ENTPD1: variants seen among roughly 807,000 people sequenced by gnomAD.
ENTPD1 encodes the protein ATP diphosphohydrolase.
ENTPD1 carries 33 observed loss-of-function variants against 57.0 expected under a neutral mutation model. The observed-to-expected ratio is 0.58, with a 90% CI of 0.44 to 0.77. The LOEUF (loss-of-function observed/expected upper bound fraction) is 0.77. Ranked by LOEUF, ENTPD1 falls within the 30% of genes least tolerant of loss-of-function variation. The probability of loss-of-function intolerance (pLI) is 0.00; values close to 1 mark genes in which losing one functional copy is unlikely to be tolerated. For missense variants in ENTPD1, 501 were observed against 603.4 expected (o/e 0.83, Z 1.78); for synonymous variants, 202 against 218.8 (o/e 0.92, Z 0.68).
chr10:95,795,664 T>C (rs1455104463), intron 1 of ENTPD1, among the ~76,000 whole-genome samples: 2 of 152,136 alleles, frequency 1.3e-5, no homozygotes, highest in Non-Finnish European at 2.9e-5. Context: ...ATCTAGAACA[T>C]GAAAATTTAG....
Position 95,780,268 on chromosome 10 carries a change from C to T in ENTPD1, c.16+24013C>T, listed in dbSNP as rs543555100. On this transcript the variant is annotated intron_variant, in intron 1 of 9. Coordinates refer to ENST00000371205, the MANE Select transcript of ENTPD1 (RefSeq NM_001776.6). ...AAGATTTGGAAGCAACCTAAGTGTC[C>T]GTCAAACATTAATTTTTGTGGCCCT... Among the ~76,000 whole-genome samples, 13 of 152,220 alleles carry T rather than the reference C, an allele frequency of 8.5e-5. No individual in the cohort carries two copies. The East Asian group carries it at 1.7e-3, about 20-fold the overall frequency.
At chr10:95,750,006 G>A (rs1341036370) in intron 1 of ENTPD1, among the ~76,000 whole-genome samples, 3 of 152,162 alleles carry the variant, frequency 2.0e-5, no homozygotes, top group African/African-American at 7.2e-5. Context: ...CAGTGTGGTA[G>A]CAGTAGAAGT....
chr10:95,726,745 T>C (rs1288539208), intron 1 of ENTPD1, among the ~76,000 whole-genome samples: 1 of 152,186 alleles, frequency 6.6e-6, no homozygotes, highest in Admixed American at 6.5e-5. Context: ...TTGATGTGTT[T>C]TGGTGCATTT....
chr10:95,772,211 A>G (rs2140105480), intron 1 of ENTPD1, among the ~76,000 whole-genome samples: 1 of 152,314 alleles, frequency 6.6e-6, no homozygotes, highest in Non-Finnish European at 1.5e-5. Flanking sequence ...TGGTTGCTGA[A>G]GGTTGGAGTG....
upstream of ENTPD1, among the ~76,000 whole-genome samples, chr10:95,710,293 T>C (rs1050235968): frequency 1.3e-5 from 2 of 152,020 alleles, no homozygotes; most frequent in African/African-American, 4.8e-5. Context: ...TAATCCCAGC[T>C]ACTCAGGAGG....
At chr10:95,777,024 T>G (rs1404419839) in intron 1 of ENTPD1, among the ~76,000 whole-genome samples, 1 of 152,172 alleles carries the variant, frequency 6.6e-6, no homozygotes, top group African/African-American at 2.4e-5. Flanking sequence ...TAGTTAGCCA[T>G]TTATCTAATC....
At chr10:95,847,343 G>T in intron 6 of ENTPD1, 103 bp from the exon 7 acceptor site, 1 of 1,355,032 alleles carries the variant, frequency 7.4e-7, no homozygotes, top group Non-Finnish European at 1.1e-6. Flanking sequence ...CCAATACCAA[G>T]TGGTGGGATG....
At chr10:95,755,475 G>A (rs2098019936), upstream of ENTPD1, 8 of 567,580 alleles carry the variant, frequency 1.4e-5, no homozygotes, top group Admixed American at 9.2e-5. Flanking sequence ...CGGTCTGGAT[G>A]TGGTAATTCA....
chr10:95,714,693 A>G (rs2097969549), intron 1 of ENTPD1, among the ~76,000 whole-genome samples: 2 of 152,198 alleles, frequency 1.3e-5, no homozygotes, highest in African/African-American at 4.8e-5. Context: ...GCTATCATTT[A>G]TTTATTCATT....
At chr10:95,777,156 C>G (rs781478350) in intron 1 of ENTPD1, among the ~76,000 whole-genome samples, 2 of 152,220 alleles carry the variant, frequency 1.3e-5, no homozygotes, top group East Asian at 1.9e-4. Flanking sequence ...CATTCTCCAT[C>G]CAGCTTTGTT....
chr10:95,722,271 G>GTT (rs941427828), intron 1 of ENTPD1, among the ~76,000 whole-genome samples: 1 of 146,232 alleles, frequency 6.8e-6, no homozygotes, highest in Non-Finnish European at 1.5e-5. Flanking sequence ...TTGTTTTTTT[G>GTT]TTTTTTTTTA....
the ENTPD1 span, among the ~76,000 whole-genome samples, chr10:95,703,608 G>C: frequency 6.6e-6 from 1 of 151,290 alleles, no homozygotes; most frequent in Non-Finnish European, 1.5e-5. Flanking sequence ...ATGGTGAAAC[G>C]CTGTCTCTAC....
intron 1 of ENTPD1, among the ~76,000 whole-genome samples, chr10:95,765,833 T>C (rs1166353215): frequency 6.6e-6 from 1 of 152,180 alleles, no homozygotes; most frequent in African/African-American, 2.4e-5. Flanking sequence ...TGTCTTTCTG[T>C]GTATGTAGGT....
At chr10:95,720,150 T>C (rs2097975907) in intron 1 of ENTPD1, among the ~76,000 whole-genome samples, 1 of 152,138 alleles carries the variant, frequency 6.6e-6, no homozygotes, top group Non-Finnish European at 1.5e-5. Flanking sequence ...GGAGTCCTTG[T>C]TGGGCCTCGG....
At chr10:95,726,884 A>G (rs1225937193) in intron 1 of ENTPD1, among the ~76,000 whole-genome samples, 1 of 152,018 alleles carries the variant, frequency 6.6e-6, no homozygotes, top group African/African-American at 2.4e-5. Flanking sequence ...CTTTTTCCCA[A>G]ATTCATCCTT....
intron 1 of ENTPD1, among the ~76,000 whole-genome samples, chr10:95,765,114 A>AAG (rs2098083511): frequency 6.6e-6 from 1 of 151,908 alleles, no homozygotes; most frequent in Non-Finnish European, 1.5e-5. Context: ...ATTTCCAAAA[A>AAG]TTTTCTCCCA....
intron 1 of ENTPD1, among the ~76,000 whole-genome samples, chr10:95,742,615 A>G (rs1365337730): frequency 6.7e-6 from 1 of 148,938 alleles, no homozygotes; most frequent in Non-Finnish European, 1.5e-5. Flanking sequence ...ATGTTTTCAC[A>G]TTGAGTTCAA....
chr10:95,727,776 C>T (rs764985804), intron 1 of ENTPD1, among the ~76,000 whole-genome samples: 17 of 152,132 alleles, frequency 1.1e-4, no homozygotes, highest in Non-Finnish European at 2.5e-4. Flanking sequence ...AATAGAAGTT[C>T]TCTTAGCAGC....
chr10:95,867,026 G>C lies in ENTPD1; in HGVS notation c.*643G>C, dbSNP rs193067626. ...ATGTCAATAAATCACATATTCCTAG[G>C]TGATACCCAAATGCTACAGAGTGGA... On this transcript the variant is annotated 3_prime_UTR_variant, in exon 10 of 10. Transcript: ENST00000371205. 1.0e-6 allele frequency: 1 copy of C among 991,610 alleles called. No individual in the cohort carries two copies. Among genetic ancestry groups the C allele is most frequent in the East Asian group, 1.1e-4 (1 of 9,050 alleles). 61.4% of individuals were successfully genotyped at this position (991,610 alleles called of 1,614,324 possible).
Sources: allele counts gnomAD v4.1 joint callset (sites outside exome capture counted in the v4.1 genomes callset), GRCh38; gene constraint gnomAD v4.1.1; transcripts MANE v1.5; gene names NCBI Gene and HGNC (gene_info 2026-07-23, HGNC 2026-07-21).